The following RPLP0 variants were observed in gnomAD, a reference collection of about 807,000 sequenced individuals.
RPLP0 encodes ribosomal protein lateral stalk subunit P0, also known as large ribosomal subunit protein uL10.
For missense variants in RPLP0, 276 were observed against 402.9 expected, an observed-to-expected ratio of 0.69 and a Z score of 2.70; for synonymous variants, 137 against 153.4, an observed-to-expected ratio of 0.89 and a Z score of 0.79.
Position 120,197,462 on chromosome 12 carries a change from C to A in RPLP0, c.652G>T (p.Gly218Cys), listed in dbSNP as rs372111192. The change falls in exon 7 of 8, where the codon GGT becomes TGT. Residue 218 changes from glycine (G) to cysteine (C), a missense_variant and splice_region_variant. Coordinates refer to ENST00000392514, the MANE Select transcript of RPLP0 (RefSeq NM_001002.4). ...CAGACACTGGCAACATTGCGGACAC[C>A]CTGGGGGAGGGAAGATTTCATTTTA... is the stretch of plus-strand genomic sequence containing the variant. ...EETLHSRFLE[G>C]VRNVASVCLQ... 2 of 1,613,776 alleles carry A rather than the reference C, an allele frequency of 1.2e-6. No homozygotes were observed. The highest frequency in any genetic ancestry group is 1.7e-6 in the Non-Finnish European group (2 of 1,179,806).
chr12:120,196,906 G>T lies in RPLP0; in HGVS notation c.821C>A (p.Ala274Asp). 6.2e-7 allele frequency: 1 copy of T among 1,613,322 alleles called. No homozygotes were observed. The highest frequency in any genetic ancestry group is 1.1e-5 in the South Asian group (1 of 90,954). ...KVKAFLADPS[A>D]FVAAAPVAAA... ...AGCCACAGGGGCAGCAGCCACAAAGGCAGATGGATCAGCCAAGAAGGCCTT... is the reference window on the plus strand; with the variant it reads ...AGCCACAGGGGCAGCAGCCACAAAGTCAGATGGATCAGCCAAGAAGGCCTT... The change falls in exon 8 of 8, where the codon GCC becomes GAC. Residue 274 changes from alanine to aspartate, a missense_variant. Ala to Asp is a moderately radical substitution (Grantham distance 126). Coordinates refer to ENST00000392514, the MANE Select transcript of RPLP0 (RefSeq NM_001002.4).
At chr12:120,197,936 AT>A (rs1355590910) in intron 6 of RPLP0, 5 of 104,588 alleles carry the variant, frequency 4.8e-5, no homozygotes, top group Admixed American at 8.0e-5. Context: ...AAAGGGCATT[AT>A]TTTTTTTGTG....
Position 120,198,299 on chromosome 12 carries a change from G to A in RPLP0, c.651+255C>T, listed in dbSNP as rs1879261140. On this transcript the variant is annotated intron_variant, in intron 6 of 7. Coordinates refer to ENST00000392514, the MANE Select transcript of RPLP0 (RefSeq NM_001002.4). The surrounding 1 kb of genome is among the most constrained non-coding windows in gnomAD (Gnocchi z 4.1). ...ACTCAGGAGGCTGAGGCAGGAGAAT[G>A]GTGTGAACCCGGAGGCGGAGCTTGC... 1 of 438,036 alleles carries A rather than the reference G, an allele frequency of 2.3e-6. No homozygotes were observed. The highest frequency in any genetic ancestry group is 2.3e-5 in the South Asian group (1 of 43,158). The allele number at this position is 438,036 out of a possible 1,614,324, so 27.1% of individuals were successfully genotyped here.
At position 120,198,431 on chromosome 12, in the gene RPLP0, G is replaced by A. The variant is rs1220655691; in HGVS notation, c.651+123C>T. 1 of 968,430 alleles carries A rather than the reference G, an allele frequency of 1.0e-6. No individual in the cohort carries two copies. Among genetic ancestry groups the A allele is most frequent in the South Asian group, 1.5e-5 (1 of 64,956 alleles). 60.0% of individuals were successfully genotyped at this position (968,430 alleles called of 1,614,324 possible). ...CCTTCAACAATCTTATGTTGTTACTGACATTTTACAGATGAGGTAGGTAGA... is the reference window on the plus strand; with the variant it reads ...CCTTCAACAATCTTATGTTGTTACTAACATTTTACAGATGAGGTAGGTAGA... On this transcript the variant is annotated intron_variant, in intron 6 of 7. Transcript: ENST00000392514. This position sits in a 1 kb window ranked among gnomAD's most constrained non-coding sequence, Gnocchi z 4.1.
chr12:120,197,183 C>CT, intron 7 of RPLP0, 139 bp downstream of exon 7: 1 of 1,009,558 alleles, frequency 9.9e-7, no homozygotes, highest in Non-Finnish European at 1.5e-6. Flanking sequence ...CCTTCCCTGC[C>CT]TCCCAACCTC....
intron 7 of RPLP0, 95 bp from the exon 8 acceptor site, chr12:120,197,029 C>G: frequency 2.5e-6 from 4 of 1,575,554 alleles, no homozygotes; most frequent in Non-Finnish European, 3.5e-6. Context: ...CCAACAATAT[C>G]AAAGTCCGTG....
chr12:120,199,032 TC>T, intron 4 of RPLP0, 32 bp from the exon 5 acceptor site: 1 of 1,613,762 alleles, frequency 6.2e-7, no homozygotes. Context: ...GAGAAAAGCC[TC>T]TCCACTCACA....
Position 120,199,348 on chromosome 12 carries a change from G to A in RPLP0, c.192C>T (p.Ala64=), listed in dbSNP as rs754628503. 1 of 1,614,180 alleles carries A rather than the reference G, an allele frequency of 6.2e-7. No homozygotes were observed. The highest frequency in any genetic ancestry group is 1.7e-5 in the Admixed American group (1 of 60,014). ...LMGKNTMMRK[A]IRGHLENNPA... ...GGTTGTTTTCCAGGTGCCCTCGGAT[G>A]GCCTTGCGCATCATGGTGTTCTTGC... The change falls in exon 3 of 8, where the codon GCC becomes GCT. Residue 64 remains alanine, a synonymous_variant. Transcript: ENST00000392514.
At position 120,199,149 on chromosome 12, in the gene RPLP0, G is replaced by C; in HGVS notation, c.287C>G (p.Thr96Ser). The C allele has an allele frequency of 6.2e-7, 1 of 1,613,988 alleles. No homozygotes were observed. Among genetic ancestry groups the C allele is most frequent in the East Asian group, 2.2e-5 (1 of 44,888 alleles). Reference sequence around the variant, plus strand: ...GGCCAGCAACATGTCCCTGATCTCAGTGAGGTCCTCCTTGGTGAACACAAA... The same window carrying C: ...GGCCAGCAACATGTCCCTGATCTCACTGAGGTCCTCCTTGGTGAACACAAA... ...VGFVFTKEDLTEIRDMLLANK... is the reference protein window; with the variant it reads ...VGFVFTKEDLSEIRDMLLANK... Residue 96 changes from threonine (T) to serine (S), a missense_variant, in exon 4 of 8, where the codon ACT (threonine) becomes AGT (serine). Physicochemically the swap from Thr to Ser is moderately conservative, Grantham distance 58. Transcript: ENST00000392514.
chr12:120,197,264 A>G, intron 7 of RPLP0, 58 bp downstream of exon 7: 4 of 1,498,746 alleles, frequency 2.7e-6, no homozygotes, highest in Non-Finnish European at 3.7e-6. Flanking sequence ...AGAAGGCCAC[A>G]TCACCCTGCT....
chr12:120,198,782 C>G lies in RPLP0; in HGVS notation c.466-43G>C, dbSNP rs1421817826. On this transcript the variant is annotated intron_variant, in intron 5 of 7. Transcript: ENST00000392514. The surrounding 1 kb of genome is among the most constrained non-coding windows in gnomAD (Gnocchi z 4.1). ...GGGGCAGTAAACACCTGTTGGACAA[C>G]CAGCAGATCCATGGCCACTAAAAGC... is the stretch of plus-strand genomic sequence containing the variant. The G allele has an allele frequency of 6.2e-7, 1 of 1,610,276 alleles. No homozygotes were observed. The highest frequency in any genetic ancestry group is 8.5e-7 in the Non-Finnish European group (1 of 1,176,624).
At chr12:120,200,645 A>C in intron 2 of RPLP0, 85 bp downstream of exon 2, 1 of 1,463,526 alleles carries the variant, frequency 6.8e-7, no homozygotes, top group Non-Finnish European at 9.3e-7. Context: ...AGCCGGTGTG[A>C]GTAGACCCTC....
intron 2 of RPLP0, 72 bp downstream of exon 2, chr12:120,200,658 C>G: frequency 1.3e-6 from 2 of 1,540,368 alleles, no homozygotes; most frequent in African/African-American, 2.7e-5. Flanking sequence ...AGACCCTCAG[C>G]ACATAGCAGC....
intron 2 of RPLP0, chr12:120,200,398 G>A: frequency 3.0e-6 from 1 of 337,832 alleles, no homozygotes; most frequent in Admixed American, 4.4e-5. Context: ...GGGAAGCGGA[G>A]GTTGCAGTAA....
In RPLP0 at chr12:120,198,727, G is replaced by A. The variant is rs1256886225; in HGVS notation, c.478C>T (p.Leu160=). ...GTIEILSDVQ[L]IKTGDKVGAS... ...CCCACTTTGTCTCCAGTCTTGATCA[G>A]CTGCACATCACTCTGAACCAGATAA... The change falls in exon 6 of 8, where the codon CTG becomes TTG. Residue 160 remains leucine (L), a synonymous_variant. Transcript: ENST00000392514. The surrounding 1 kb of genome is among the most constrained non-coding windows in gnomAD (Gnocchi z 4.1). 1 of 1,613,836 alleles carries A rather than the reference G, an allele frequency of 6.2e-7. No homozygotes were observed. The highest frequency in any genetic ancestry group is 1.7e-5 in the Admixed American group (1 of 60,012).
chr12:120,199,137 T>C lies in RPLP0; in HGVS notation c.299A>G (p.Asp100Gly), dbSNP rs1879298153. 1 of 1,613,760 alleles carries C rather than the reference T, an allele frequency of 6.2e-7. No individual in the cohort carries two copies. The highest frequency in any genetic ancestry group is 8.5e-7 in the Non-Finnish European group (1 of 1,179,628). Residue 100 changes from aspartate (D) to glycine (G), a missense_variant, in exon 4 of 8, where the codon GAC becomes GGC. Physicochemically the swap from Asp to Gly is moderately conservative, Grantham distance 94. Coordinates refer to ENST00000392514, the MANE Select transcript of RPLP0 (RefSeq NM_001002.4). The stretch of plus-strand genomic sequence containing the variant: ...CCTTACCTTATTGGCCAGCAACATG[T>C]CCCTGATCTCAGTGAGGTCCTCCTT... The part of the protein sequence containing the change: ...FTKEDLTEIR[D>G]MLLANKVPAA...
Position 120,198,219 on chromosome 12 carries a change from C to A in RPLP0, c.651+335G>T. 1 of 297,794 alleles carries A rather than the reference C, an allele frequency of 3.4e-6. No homozygotes were observed. Among genetic ancestry groups the A allele is most frequent in the Non-Finnish European group, 6.6e-6 (1 of 152,248 alleles). 18.4% of individuals were successfully genotyped at this position (297,794 alleles called of 1,614,324 possible). Reference sequence around the variant, plus strand: ...ACCATCCTGGCTAACGCGGTGAAACCTAAAAATACAAAAAAATTAGCCGGG... The same window carrying A: ...ACCATCCTGGCTAACGCGGTGAAACATAAAAATACAAAAAAATTAGCCGGG... On this transcript the variant is annotated intron_variant, in intron 6 of 7. Coordinates refer to ENST00000392514, the MANE Select transcript of RPLP0 (RefSeq NM_001002.4). The surrounding 1 kb of genome is among the most constrained non-coding windows in gnomAD (Gnocchi z 4.1).
chr12:120,198,399 A>AC lies in RPLP0; in HGVS notation c.651+154_651+155insG. 3.5e-6 allele frequency: 3 copies of AC among 857,642 alleles called. No homozygotes were observed. Among genetic ancestry groups the AC allele is most frequent in the South Asian group, 3.6e-5 (2 of 55,362 alleles). 53.1% of individuals were successfully genotyped at this position (857,642 alleles called of 1,614,324 possible). ...AGACTCTGTCTCCAAAAAAAAAAAA[A>AC]AAAAATCCTTCAACAATCTTATGTT... is the stretch of plus-strand genomic sequence containing the variant. On this transcript the variant is annotated intron_variant, in intron 6 of 7. Transcript: ENST00000392514. This position sits in a 1 kb window ranked among gnomAD's most constrained non-coding sequence, Gnocchi z 4.1.
At chr12:120,200,100 T>C (rs1242974215) in intron 2 of RPLP0, 1 of 455,970 alleles carries the variant, frequency 2.2e-6, no homozygotes, top group Non-Finnish European at 4.4e-6. Context: ...TGACAGGTCC[T>C]AAATATGCAA....
Sources: allele counts gnomAD v4.1 joint callset, GRCh38; gene constraint gnomAD v4.1.1; non-coding constraint Gnocchi (gnomAD v3.1); transcripts MANE v1.5; gene names NCBI Gene and HGNC (gene_info 2026-07-23, HGNC 2026-07-21).